The following WRN variants were observed in gnomAD, a reference collection of about 807,000 sequenced individuals.
The protein encoded by WRN is WRN RecQ like helicase.
A neutral mutation model predicts 180.7 loss-of-function variants in WRN; 149 were observed. The ratio of observed to expected loss-of-function variants is 0.82; its 90% confidence interval spans 0.72 to 0.94. WRN has a LOEUF of 0.94. Ranked by LOEUF, WRN falls within the 40% of genes least tolerant of loss-of-function variation. WRN has a pLI of 0.00. For missense variants in WRN, 1,661 were observed against 1,700.1 expected (o/e 0.98, Z 0.40); for synonymous variants, 548 against 568.9 (o/e 0.96, Z 0.52).
chr8:31,131,933 G>T (rs1802192398), intron 23 of WRN: 2 of 158,022 alleles, frequency 1.3e-5, no homozygotes, highest in African/African-American at 5.0e-5. Context: ...CAGCAACTGA[G>T]ATGTGTTTTT....
At chr8:31,065,167 TATA>T in intron 5 of WRN, 104 bp downstream of exon 5, 1 of 1,219,570 alleles carries the variant, frequency 8.2e-7, no homozygotes, top group South Asian at 1.4e-5. Flanking sequence ...AAGCTTGTTA[TATA>T]ATGTTTTTGT....
rs532459618 is a variant in WRN at position 31,175,762 on chromosome 8, A to G, written c.*2660A>G. Among the ~76,000 whole-genome samples the G allele has an allele frequency of 6.6e-6, 1 of 152,248 alleles. No individual in the cohort carries two copies. Among genetic ancestry groups the G allele is most frequent in the South Asian group, 2.1e-4 (1 of 4,834 alleles). ...TGAATGCAGAAGTAGATCTGAGAATACAGCCACTTTTGTTAAGCCAGACAA... is the reference window on the plus strand; with the variant it reads ...TGAATGCAGAAGTAGATCTGAGAATGCAGCCACTTTTGTTAAGCCAGACAA... On this transcript the variant is annotated 3_prime_UTR_variant, in exon 35 of 35. Transcript: ENST00000298139.
intron 1 of WRN, among the ~76,000 whole-genome samples, chr8:31,057,809 A>T (rs1393031477): frequency 6.6e-6 from 1 of 151,694 alleles, no homozygotes; most frequent in Non-Finnish European, 1.5e-5. Context: ...TTCTTTAATT[A>T]TACTTGAATT....
chr8:31,088,045 T>C, intron 12 of WRN, 125 bp downstream of exon 12: 3 of 1,484,814 alleles, frequency 2.0e-6, no homozygotes, highest in Non-Finnish European at 2.7e-6. Flanking sequence ...TATTGGATCC[T>C]TATAAGCTTT....
At chr8:31,102,166 C>T (rs1404615008) in intron 18 of WRN, among the ~76,000 whole-genome samples, 1 of 152,184 alleles carries the variant, frequency 6.6e-6, no homozygotes, top group Non-Finnish European at 1.5e-5. Flanking sequence ...GTCAGGATGC[C>T]AAATGTTCCC....
intron 18 of WRN, among the ~76,000 whole-genome samples, chr8:31,105,798 A>C (rs966067140): frequency 6.6e-6 from 1 of 152,066 alleles, no homozygotes; most frequent in African/African-American, 2.4e-5. Context: ...AGGACTCCCA[A>C]ATTTTTATCT....
intron 34 of WRN, among the ~76,000 whole-genome samples, chr8:31,168,077 T>A (rs1340994204): frequency 1.3e-5 from 2 of 152,114 alleles, no homozygotes; most frequent in African/African-American, 2.4e-5. Flanking sequence ...AACCCCTACT[T>A]TTTTGAATTG....
At chr8:31,109,951 T>G (rs1410998899) in intron 18 of WRN, among the ~76,000 whole-genome samples, 1 of 152,214 alleles carries the variant, frequency 6.6e-6, no homozygotes, top group Non-Finnish European at 1.5e-5. Context: ...ATAAATATAT[T>G]ACCTGCTCAC....
At chr8:31,077,438 T>A (rs1264541945) in intron 8 of WRN, among the ~76,000 whole-genome samples, 1 of 152,040 alleles carries the variant, frequency 6.6e-6, no homozygotes, top group African/African-American at 2.4e-5. Context: ...GAGACGGGGT[T>A]TCACCGTGTT....
At chr8:31,042,382 G>A (rs921535661) in intron 1 of WRN, among the ~76,000 whole-genome samples, 1 of 152,122 alleles carries the variant, frequency 6.6e-6, no homozygotes, top group African/African-American at 2.4e-5. Flanking sequence ...TGATGGTGAT[G>A]GTCATGGTGA....
At chr8:31,168,290 T>A (rs1314507269) in intron 34 of WRN, among the ~76,000 whole-genome samples, 6 of 152,150 alleles carry the variant, frequency 3.9e-5, no homozygotes, top group Non-Finnish European at 5.9e-5. Context: ...CTCAGCCTTT[T>A]ATTTCTGTAA....
chr8:31,154,273 C>A (rs1803277284), intron 31 of WRN, among the ~76,000 whole-genome samples: 1 of 151,908 alleles, frequency 6.6e-6, no homozygotes, highest in South Asian at 2.1e-4. Flanking sequence ...TTCATTCATT[C>A]ATTCATTCAT....
At chr8:31,088,061 C>T in intron 12 of WRN, 141 bp downstream of exon 12, 1 of 1,442,036 alleles carries the variant, frequency 6.9e-7, no homozygotes, top group Non-Finnish European at 9.3e-7. Context: ...GCTTTTGTCT[C>T]CTTAGTGCTT....
chr8:31,140,375 G>C, intron 24 of WRN, among the ~76,000 whole-genome samples: 1 of 152,036 alleles, frequency 6.6e-6, no homozygotes, highest in East Asian at 1.9e-4. Context: ...GAATGAAAGA[G>C]GCAGTAAGAG....
At chr8:31,107,769 G>C (rs377623129) in intron 18 of WRN, among the ~76,000 whole-genome samples, 4 of 152,198 alleles carry the variant, frequency 2.6e-5, no homozygotes, top group East Asian at 3.8e-4. Context: ...TATTTGGAAG[G>C]AATCAGACAA....
chr8:31,094,777 A>C (rs574659389), intron 16 of WRN, among the ~76,000 whole-genome samples: 1 of 152,214 alleles, frequency 6.6e-6, no homozygotes, highest in East Asian at 1.9e-4. Context: ...TCCACTTAGC[A>C]TAGTGATATC....
intron 32 of WRN, among the ~76,000 whole-genome samples, chr8:31,156,628 CT>C (rs1803396600): frequency 6.6e-6 from 1 of 152,174 alleles, no homozygotes; most frequent in Non-Finnish European, 1.5e-5. Flanking sequence ...TAAATTCAGA[CT>C]TTGAAAATGT....
chr8:31,054,391 C>T (rs1473956893), intron 1 of WRN, among the ~76,000 whole-genome samples: 10 of 151,420 alleles, frequency 6.6e-5, no homozygotes. Context: ...AAATAAAAAA[C>T]AATTTTTTTT....
Position 31,174,819 on chromosome 8 carries a change from TCCTC to T in WRN, c.*1747_*1750del, listed in dbSNP as rs537958118. Among the ~76,000 whole-genome samples, 18,433 of 86,118 alleles carry T rather than the reference TCCTC, an allele frequency of 0.21. 2,301 individuals carry two copies. Among genetic ancestry groups the T allele is most frequent in the Admixed American group, 0.27 (2,278 of 8,428 alleles). 56.5% of individuals were successfully genotyped at this position (86,118 alleles called of 152,430 possible). A position where few individuals can be genotyped will look rare whatever the true frequency, so the allele number is the denominator to read the frequency against. ...CCCCTTCCTTCCTTCCTTCCTTCCT[TCCTC>T]CCTCCCTCCCTCCCTCCCTCCCTCC... On this transcript the variant is annotated 3_prime_UTR_variant, in exon 35 of 35. Coordinates refer to ENST00000298139, the MANE Select transcript of WRN (RefSeq NM_000553.6).
Sources: allele counts gnomAD v4.1 joint callset (sites outside exome capture counted in the v4.1 genomes callset), GRCh38; gene constraint gnomAD v4.1.1; transcripts MANE v1.5; gene names NCBI Gene and HGNC (gene_info 2026-07-23, HGNC 2026-07-21).